Variants in GPHN observed in about 807,000 individuals in gnomAD.
The protein encoded by GPHN is gephyrin.
GPHN carries 17 observed loss-of-function variants against 95.5 expected under a neutral mutation model. The ratio of observed to expected loss-of-function variants is 0.18; its 90% CI spans 0.12 to 0.27. The LOEUF is 0.27. Among genes scored for constraint, GPHN ranks in the 10% least tolerant of loss-of-function variants. The pLI is 1.00. For synonymous variants in GPHN, 320 were observed against 322.5 expected (o/e 0.99, Z 0.08); for missense variants, 660 against 978.1 (o/e 0.67, Z 4.34).
In GPHN at chr14:66,584,958, G is replaced by A. The variant is rs57170388; in HGVS notation, c.64+76367G>A. Among the ~76,000 whole-genome samples the A allele has an allele frequency of 5.6e-3, 848 of 152,270 alleles. 6 individuals are homozygous for A. Among genetic ancestry groups the A allele is most frequent in the African/African-American group, 0.02 (820 of 41,530 alleles). ...CTATTGATTGGAATAGTTTCAGAAG[G>A]AATGGTACCAGTTCCTCCTTGTACC... On this transcript the variant is annotated intron_variant, in intron 1 of 22. Transcript: ENST00000478722.
At chr14:67,409,839 G>A in the GPHN span, among the ~76,000 whole-genome samples, 1 of 152,152 alleles carries the variant, frequency 6.6e-6, no homozygotes, top group Non-Finnish European at 1.5e-5. Flanking sequence ...CTTCTCCAGT[G>A]GACATAGGGA....
the GPHN span, chr14:67,301,938 GT>G: frequency 3.1e-5 from 49 of 1,572,932 alleles, no homozygotes; most frequent in Non-Finnish European, 2.6e-6. Context: ...AAATCATGCT[GT>G]TACTTAAAAT....
chr14:66,572,963 T>G (rs1034183910), intron 1 of GPHN, among the ~76,000 whole-genome samples: 3 of 152,204 alleles, frequency 2.0e-5, no homozygotes, highest in African/African-American at 7.2e-5. Context: ...TCCCTTTGCC[T>G]TCTTCTTTGA....
At chr14:67,582,299 G>C in the GPHN span, 1 of 1,595,270 alleles carries the variant, frequency 6.3e-7, no homozygotes, top group Non-Finnish European at 8.5e-7. This position sits in a 1 kb window ranked among gnomAD's most constrained non-coding sequence, Gnocchi z 5.0. Flanking sequence ...AGATTCTGCA[G>C]ATCCTGTGGT....
At chr14:66,881,750 C>T (rs2063939214) in intron 5 of GPHN, among the ~76,000 whole-genome samples, 1 of 151,780 alleles carries the variant, frequency 6.6e-6, no homozygotes. Flanking sequence ...TCATAATTAC[C>T]TAGCACTGGA....
chr14:67,135,519 C>T (rs1017101602), intron 17 of GPHN, among the ~76,000 whole-genome samples: 1 of 152,126 alleles, frequency 6.6e-6, no homozygotes, highest in Non-Finnish European at 1.5e-5. Context: ...TGTTAATTTA[C>T]TATTTTCTAG....
the GPHN span, among the ~76,000 whole-genome samples, chr14:67,603,209 A>G: frequency 2.6e-5 from 4 of 152,168 alleles, no homozygotes; most frequent in Non-Finnish European, 5.9e-5. Flanking sequence ...ATCTAGGGCT[A>G]CAGGCACACT....
the GPHN span, among the ~76,000 whole-genome samples, chr14:67,601,745 C>G: frequency 0.38 from 56,866 of 151,512 alleles, 11,321 homozygotes; most frequent in Non-Finnish European, 0.43. Flanking sequence ...ACTAAAAATA[C>G]AAAAAAATTA....
At chr14:66,809,106 G>A (rs577493053) in intron 3 of GPHN, among the ~76,000 whole-genome samples, 35 of 152,234 alleles carry the variant, frequency 2.3e-4, no homozygotes, top group South Asian at 8.3e-4. Flanking sequence ...AGATTTTGAA[G>A]CAAAGGAAAG....
At chr14:67,729,223 G>C in the GPHN span, 1 of 1,611,882 alleles carries the variant, frequency 6.2e-7, no homozygotes, top group African/African-American at 1.3e-5. Context: ...AGTGCACCCA[G>C]GCGTCGTCCG....
At chr14:67,642,803 T>C in the GPHN span, among the ~76,000 whole-genome samples, 7 of 125,916 alleles carry the variant, frequency 5.6e-5, no homozygotes, top group African/African-American at 1.2e-4. Context: ...CTTTTTTTTT[T>C]TTTTTTTTTT....
the GPHN span, among the ~76,000 whole-genome samples, chr14:67,269,219 A>G: frequency 6.6e-6 from 1 of 152,188 alleles, no homozygotes; most frequent in East Asian, 1.9e-4. Flanking sequence ...TTATTTTCCA[A>G]TAATGTTTCA....
intron 9 of GPHN, among the ~76,000 whole-genome samples, chr14:66,984,080 C>A (rs1475362434): frequency 6.6e-6 from 1 of 152,106 alleles, no homozygotes; most frequent in Non-Finnish European, 1.5e-5. Context: ...AAATGGTGTT[C>A]ACTTATTACT....
At chr14:67,732,330 C>T in the GPHN span, among the ~76,000 whole-genome samples, 13 of 148,470 alleles carry the variant, frequency 8.8e-5, no homozygotes, top group African/African-American at 3.0e-4. Context: ...CCCAGCTACT[C>T]GGGAGGCTAA....
chr14:67,724,467 C>T, the GPHN span: 34 of 1,590,392 alleles, frequency 2.1e-5, no homozygotes, highest in African/African-American at 2.7e-5. Context: ...TTTCCCTTGC[C>T]GATAGGAAGT....
chr14:67,243,857 G>A, the GPHN span, among the ~76,000 whole-genome samples: 1 of 152,152 alleles, frequency 6.6e-6, no homozygotes, highest in East Asian at 1.9e-4. Flanking sequence ...AGTAATCTTA[G>A]TGGTTATATA....
the GPHN span, among the ~76,000 whole-genome samples, chr14:67,406,850 A>G: frequency 6.6e-6 from 1 of 152,204 alleles, no homozygotes; most frequent in Non-Finnish European, 1.5e-5. Context: ...GGCCGATAAC[A>G]CAATGGTATG....
the GPHN span, chr14:67,397,901 T>C: frequency 1.6e-6 from 2 of 1,234,070 alleles, no homozygotes; most frequent in South Asian, 1.5e-5. Flanking sequence ...GGGTGTCTGG[T>C]GGCACAAGTA....
the GPHN span, among the ~76,000 whole-genome samples, chr14:67,640,588 C>T: frequency 6.6e-6 from 1 of 152,094 alleles, no homozygotes; most frequent in Non-Finnish European, 1.5e-5. Context: ...GCTCTTAATC[C>T]GAACCTTTAA....
Sources: allele counts gnomAD v4.1 joint callset (sites outside exome capture counted in the v4.1 genomes callset), GRCh38; gene constraint gnomAD v4.1.1; non-coding constraint Gnocchi (gnomAD v3.1); transcripts MANE v1.5; gene names NCBI Gene and HGNC (gene_info 2026-07-23, HGNC 2026-07-21).